The following UBE3B variants were observed in gnomAD, a reference collection of about 807,000 sequenced individuals.
UBE3B encodes the protein ubiquitin protein ligase E3B, also known as ubiquitin-protein ligase E3B.
Under a neutral mutation model 132.3 loss-of-function variants are expected in UBE3B, and 80 were observed. The observed-to-expected ratio is 0.60, with a 90% CI of 0.50 to 0.73. UBE3B has a LOEUF of 0.73. UBE3B is among the 30% of genes least tolerant of loss of function. The pLI is 0.00. For missense variants in UBE3B, 1,196 were observed against 1,362.5 expected, an observed-to-expected ratio of 0.88 and a Z score of 1.92; for synonymous variants, 487 against 520.4, an observed-to-expected ratio of 0.94 and a Z score of 0.87.
chr12:109,484,923 GTTT>G (rs746682731), intron 4 of UBE3B, among the ~76,000 whole-genome samples: 6 of 151,794 alleles, frequency 4.0e-5, no homozygotes, highest in Non-Finnish European at 2.9e-5. Flanking sequence ...TGCACAGCAA[GTTT>G]TTGTATTTTT....
chr12:109,501,190 G>A (rs1054502334), intron 12 of UBE3B, among the ~76,000 whole-genome samples, 181 bp from the exon 13 acceptor site: 4 of 152,212 alleles, frequency 2.6e-5, no homozygotes, highest in South Asian at 4.1e-4. Flanking sequence ...TGCCCTTGAC[G>A]TACCAGCCCC....
At chr12:109,492,618 C>T (rs1349307715) in intron 9 of UBE3B, 1 of 152,018 alleles carries the variant, frequency 6.6e-6, no homozygotes, top group African/African-American at 2.4e-5. Flanking sequence ...TGCCATGTGC[C>T]TGTGGTTCCA....
rs1415300925 is a variant in UBE3B at position 109,524,457 on chromosome 12, C to G, written c.2522C>G (p.Thr841Ser). Residue 841 changes from threonine (T) to serine (S), a missense_variant, in exon 23 of 28, where the codon ACT becomes AGT. Transcript: ENST00000342494. ...CATTAGCGCTATGATGGGGACATCA[C>G]TGACCTGGGCCTGACGCTGTCTTAC... ...TSIKRYDGDI[T>S]DLGLTLSYDE... 3.7e-6 allele frequency: 6 copies of G among 1,614,238 alleles called. No homozygotes were observed. The South Asian group carries it at 4.4e-5, about 12-fold the overall frequency.
rs191277164 is a variant in UBE3B at position 109,493,229 on chromosome 12, G to A, written c.713+2102G>A. On this transcript the variant is annotated intron_variant, in intron 9 of 27. Transcript: ENST00000342494. ...CAACTGTCCCTACCCAAGTCACCTTGTGGGGCAGCTCATTCCAGCAGCATT... is the reference window on the plus strand; with the variant it reads ...CAACTGTCCCTACCCAAGTCACCTTATGGGGCAGCTCATTCCAGCAGCATT... Among the ~76,000 whole-genome samples, 161 of 152,274 alleles carry A rather than the reference G, an allele frequency of 1.1e-3. 1 individual carries two copies. Among genetic ancestry groups the A allele is most frequent in the African/African-American group, 3.8e-3 (156 of 41,558 alleles).
chr12:109,517,402 C>T (rs543642429), intron 19 of UBE3B, among the ~76,000 whole-genome samples: 43 of 152,138 alleles, frequency 2.8e-4, no homozygotes, highest in Non-Finnish European at 4.7e-4. Context: ...GAGCTAAATC[C>T]GTTGTCTGGA....
chr12:109,534,722 C>A lies in UBE3B; in HGVS notation c.3147C>A (p.Ser1049Arg). 6.2e-7 allele frequency: 1 copy of A among 1,604,508 alleles called. No individual in the cohort carries two copies. The highest frequency in any genetic ancestry group is 8.5e-7 in the Non-Finnish European group (1 of 1,175,348). Residue 1049 changes from serine to arginine, a missense_variant, in exon 28 of 28, where the codon AGC becomes AGA. Physicochemically the swap from Ser to Arg is moderately radical, Grantham distance 110 (BLOSUM62 -1). Transcript: ENST00000342494. The surrounding 1 kb of genome is among the most constrained non-coding windows in gnomAD (Gnocchi z 5.2). Reference sequence around the variant, plus strand: ...AGCTGCCCAACTACAGCAAGAAGAGCGTCCTCCGCGAGAAGCTGCGCTACG... The same window carrying A: ...AGCTGCCCAACTACAGCAAGAAGAGAGTCCTCCGCGAGAAGCTGCGCTACG... ...LLKLPNYSKK[S>R]VLREKLRYAI... is the part of the protein sequence containing the mutation.
At chr12:109,516,641 T>C (rs1592946151) in intron 18 of UBE3B, 124 bp from the exon 19 acceptor site, 1 of 1,457,460 alleles carries the variant, frequency 6.9e-7, no homozygotes, top group African/African-American at 1.4e-5. Flanking sequence ...TGGTAGCACA[T>C]GTTAAGGCAT....
At chr12:109,492,604 A>G (rs1280259131) in intron 9 of UBE3B, 2 of 152,160 alleles carry the variant, frequency 1.3e-5, no homozygotes, top group African/African-American at 2.4e-5. Flanking sequence ...TTAGCTGGGC[A>G]TGGTGCCATG....
chr12:109,517,875 C>A, intron 19 of UBE3B: 1 of 405,820 alleles, frequency 2.5e-6, no homozygotes, highest in Non-Finnish European at 5.1e-6. Context: ...TCATTTTCTC[C>A]CTCGGTGCAT....
rs201336062 is a variant in UBE3B at position 109,486,580 on chromosome 12, CAAAAA to C, written c.447+24_447+28del. ...GATTTTCTCAAGCAGCTCAAGGTAA[CAAAAA>C]AAAAAAAAAAAAAAAAAAGCAAAAC... is the stretch of plus-strand genomic sequence containing the variant. On this transcript the variant is annotated splice_donor_region_variant and intron_variant, in intron 6 of 27. Coordinates refer to ENST00000342494, the MANE Select transcript of UBE3B (RefSeq NM_130466.4). The C allele has an allele frequency of 0.017, 9,405 of 558,102 alleles. 3 individuals carry two copies. Among genetic ancestry groups the C allele is most frequent in the Middle Eastern group, 0.02 (31 of 1,526 alleles). The allele number at this position is 558,102 out of a possible 1,614,324, so 34.6% of individuals were successfully genotyped here. A position where few individuals can be genotyped will look rare whatever the true frequency, so the allele number is the denominator to read the frequency against.
At chr12:109,498,116 T>C (rs1878471004) in intron 10 of UBE3B, 117 bp from the exon 11 acceptor site, 1 of 1,471,594 alleles carries the variant, frequency 6.8e-7, no homozygotes, top group Non-Finnish European at 9.3e-7. Context: ...CATTTTCTTC[T>C]TGGTGTTTGC....
intron 26 of UBE3B, 29 bp downstream of exon 26, chr12:109,530,687 G>A: frequency 6.3e-7 from 1 of 1,593,698 alleles, no homozygotes; most frequent in Non-Finnish European, 8.6e-7. Context: ...ATGCATGCAT[G>A]CATGTATTCT....
rs562489456 is a variant in UBE3B, at chr12:109,507,684, A to C, written c.1571A>C (p.Gln524Pro). The C allele has an allele frequency of 6.2e-7, 1 of 1,614,220 alleles. No individual in the cohort carries two copies. The highest frequency in any genetic ancestry group is 1.7e-5 in the Admixed American group (1 of 60,028). ...CLNNDTEESK[Q>P]LLAMLMLFCD... is the part of the protein sequence containing the mutation. ...AACAATGACACTGAAGAGTCCAAGC[A>C]ACTCTTGGCCATGCTGATGCTGTTC... The change falls in exon 15 of 28, where the codon CAA becomes CCA. Residue 524 changes from glutamine to proline, a missense_variant. Gln to Pro is a moderately conservative substitution (Grantham distance 76, BLOSUM62 -1). Coordinates refer to ENST00000342494, the MANE Select transcript of UBE3B (RefSeq NM_130466.4).
chr12:109,529,196 C>T lies in UBE3B; in HGVS notation c.2628-694C>T, dbSNP rs1882699079. Among the ~76,000 whole-genome samples the T allele has an allele frequency of 2.0e-5, 3 of 152,150 alleles. No homozygotes were observed. The East Asian group carries it at 5.8e-4, about 29-fold the overall frequency. ...TAAATAAAAAGAAAAAAGAAATTAG[C>T]GATGCTAGCAAGCCTGTTGGAATGT... On this transcript the variant is annotated intron_variant, in intron 24 of 27. Coordinates refer to ENST00000342494, the MANE Select transcript of UBE3B (RefSeq NM_130466.4).
chr12:109,540,194 T>A (rs1883582616), downstream of UBE3B, among the ~76,000 whole-genome samples: 1 of 151,660 alleles, frequency 6.6e-6, no homozygotes, highest in Non-Finnish European at 1.5e-5. Flanking sequence ...GGTGGGGGAT[T>A]TTTGGTTTTT....
Position 109,503,083 on chromosome 12 carries a change from G to A in UBE3B, c.1343G>A (p.Gly448Glu). ...GTCCGGAATATTCTCAGGCCTGTCG[G>A]GGGTAAACGGGTCGACTCTGCAGAA... is the stretch of plus-strand genomic sequence containing the variant. Reference protein sequence around the residue: ...ASVRNILRPVGGKRVDSAEVQ... With the variant: ...ASVRNILRPVEGKRVDSAEVQ... The change falls in exon 14 of 28, where the codon GGG becomes GAG. Residue 448 changes from glycine to glutamate, a missense_variant. Coordinates refer to ENST00000342494, the MANE Select transcript of UBE3B (RefSeq NM_130466.4). 1 of 1,614,150 alleles carries A rather than the reference G, an allele frequency of 6.2e-7. No individual in the cohort carries two copies. The highest frequency in any genetic ancestry group is 8.5e-7 in the Non-Finnish European group (1 of 1,180,036).
In UBE3B at chr12:109,534,341, C is replaced by G; in HGVS notation, c.3016-250C>G. 7.1e-7 allele frequency: 1 copy of G among 1,411,404 alleles called. No individual in the cohort carries two copies. Among genetic ancestry groups the G allele is most frequent in the South Asian group, 1.6e-5 (1 of 62,126 alleles). The allele number at this position is 1,411,404 out of a possible 1,614,324, so 87.4% of individuals were successfully genotyped here. A position where few individuals can be genotyped will look rare whatever the true frequency, so the allele number is the denominator to read the frequency against. On this transcript the variant is annotated intron_variant, in intron 27 of 27. Transcript: ENST00000342494. The surrounding 1 kb of genome is among the most constrained non-coding windows in gnomAD (Gnocchi z 5.2). ...GTAATTCGCTGTGAACCGGAAGGCC[C>G]CATTTCCAAAAGCTTACTTAGTGCA...
At chr12:109,507,289 T>C (rs1396749148) in intron 14 of UBE3B, among the ~76,000 whole-genome samples, 1 of 152,194 alleles carries the variant, frequency 6.6e-6, no homozygotes, top group Non-Finnish European at 1.5e-5. Flanking sequence ...CTGTATAAGA[T>C]GGGGATAACA....
Position 109,486,455 on chromosome 12 carries a change from T to A in UBE3B, c.343-16T>A. The stretch of plus-strand genomic sequence containing the variant: ...TCTATAACAGCCCATGACATTCCTC[T>A]TTTTCCCACCTATAGGTGTGGTATG... On this transcript the variant is annotated splice_polypyrimidine_tract_variant and intron_variant, in intron 5 of 27. Transcript: ENST00000342494. 1 of 1,586,578 alleles carries A rather than the reference T, an allele frequency of 6.3e-7. No individual in the cohort carries two copies. The highest frequency in any genetic ancestry group is 8.6e-7 in the Non-Finnish European group (1 of 1,164,440).
Sources: gnomAD v4.1 joint callset for allele counts (sites outside exome capture counted in the v4.1 genomes callset) on GRCh38, gnomAD v4.1.1 for gene constraint, Gnocchi (gnomAD v3.1) non-coding constraint, MANE v1.5 for transcripts, NCBI Gene and HGNC (gene_info 2026-07-23, HGNC 2026-07-21) for gene names.